The following AFAP1L2 variants were observed in gnomAD, a reference collection of about 807,000 sequenced individuals.
AFAP1L2 encodes actin filament-associated protein 1-like 2.
Under a neutral mutation model 99.3 loss-of-function variants are expected in AFAP1L2, and 46 were observed. The ratio of observed to expected loss-of-function variants is 0.46; its 90% CI spans 0.37 to 0.59. AFAP1L2 has a LOEUF of 0.59. AFAP1L2 is among the 20% of genes least tolerant of loss of function. AFAP1L2 has a pLI of 0.00. For missense variants in AFAP1L2, 959 were observed against 1,034.9 expected (o/e 0.93, Z 1.01); for synonymous variants, 397 against 419.1 (o/e 0.95, Z 0.64).
intron 4 of AFAP1L2, among the ~76,000 whole-genome samples, chr10:114,324,552 G>GTAA (rs2045948232): frequency 6.6e-6 from 1 of 152,278 alleles, no homozygotes; most frequent in Non-Finnish European, 1.5e-5. Context: ...TGCCCGTGGT[G>GTAA]TCTTTCTGAA....
At chr10:114,338,597 C>T (rs1457532559) in intron 2 of AFAP1L2, among the ~76,000 whole-genome samples, 1 of 152,152 alleles carries the variant, frequency 6.6e-6, no homozygotes, top group African/African-American at 2.4e-5. Flanking sequence ...TGGAATACTA[C>T]TCAGCAATAA....
At chr10:114,340,011 A>AG (rs2048563683) in intron 2 of AFAP1L2, among the ~76,000 whole-genome samples, 1 of 19,204 alleles carries the variant, frequency 5.2e-5, no homozygotes, top group South Asian at 1.8e-3. Context: ...ACCCCGTCTC[A>AG]AAAAAAAAAA....
chr10:114,313,675 A>G (rs1049956240), intron 7 of AFAP1L2, among the ~76,000 whole-genome samples, 196 bp downstream of exon 7: 1 of 152,228 alleles, frequency 6.6e-6, no homozygotes, highest in Non-Finnish European at 1.5e-5. Context: ...AGTCCGGGCT[A>G]CTGGGGATTC....
intron 4 of AFAP1L2, among the ~76,000 whole-genome samples, chr10:114,327,566 C>A (rs2046569789): frequency 6.6e-6 from 1 of 152,040 alleles, no homozygotes; most frequent in African/African-American, 2.4e-5. Flanking sequence ...GTCCAGAGGG[C>A]CGCAAATCTT....
intron 4 of AFAP1L2, chr10:114,325,773 G>A (rs2046175580): frequency 1.9e-6 from 2 of 1,047,106 alleles, no homozygotes; most frequent in Non-Finnish European, 1.2e-6. Flanking sequence ...GCCTTTCCTG[G>A]TCCCCCTGGT....
chr10:114,294,936 CAGGAACAAGTGTTAG>C lies in AFAP1L2; in HGVS notation c.*1091_*1105del. The C allele has an allele frequency of 4.1e-6, 4 of 982,910 alleles. No individual in the cohort carries two copies. The highest frequency in any genetic ancestry group is 4.8e-6 in the Non-Finnish European group (4 of 828,996). 60.9% of individuals were successfully genotyped at this position (982,910 alleles called of 1,614,324 possible). ...AAGAATAAAAAAGACATTTAGTTCT[CAGGAACAAGTGTTAG>C]AGAACTGATACACAACCCTCCAGAA... On this transcript the variant is annotated 3_prime_UTR_variant, in exon 19 of 19. Coordinates refer to ENST00000304129, the MANE Select transcript of AFAP1L2 (RefSeq NM_001001936.3).
At chr10:114,325,780 T>C (rs2046177543) in intron 4 of AFAP1L2, 1 of 1,105,418 alleles carries the variant, frequency 9.0e-7, no homozygotes. Context: ...CTGGTCCCCC[T>C]GGTCAGCCAG....
chr10:114,309,315 C>A (rs149696955), intron 8 of AFAP1L2, among the ~76,000 whole-genome samples: 1 of 152,168 alleles, frequency 6.6e-6, no homozygotes, highest in Non-Finnish European at 1.5e-5. Flanking sequence ...AAAAATGGCC[C>A]CTCCTGAGTC....
At chr10:114,284,139 C>T in the AFAP1L2 span, among the ~76,000 whole-genome samples, 8 of 152,342 alleles carry the variant, frequency 5.3e-5, no homozygotes, top group Non-Finnish European at 1.0e-4. Flanking sequence ...ATAGATCAGA[C>T]GCTTCAGAAT....
intron 1 of AFAP1L2, among the ~76,000 whole-genome samples, chr10:114,393,221 G>T (rs1326108868): frequency 6.6e-6 from 1 of 152,032 alleles, no homozygotes; most frequent in Non-Finnish European, 1.5e-5. Flanking sequence ...GTAACTAAGT[G>T]CCCCAAAGCC....
chr10:114,323,156 G>A lies in AFAP1L2; in HGVS notation c.406+15C>T. On this transcript the variant is annotated intron_variant, in intron 5 of 18. Transcript: ENST00000304129. ...CAGTAAGTCACCCTCCCAAGCCCCA[G>A]CCGCTGGGATGTACCATTGAGGGAT... 1 of 1,578,416 alleles carries A rather than the reference G, an allele frequency of 6.3e-7. No individual in the cohort carries two copies. The highest frequency in any genetic ancestry group is 8.6e-7 in the Non-Finnish European group (1 of 1,160,168).
chr10:114,298,937 G>C (rs1386058576), intron 16 of AFAP1L2, among the ~76,000 whole-genome samples: 2 of 152,222 alleles, frequency 1.3e-5, no homozygotes, highest in African/African-American at 4.8e-5. Context: ...GTCCTCAAAA[G>C]ATGGGCCAAG....
At chr10:114,371,862 G>C (rs886277856) in intron 1 of AFAP1L2, among the ~76,000 whole-genome samples, 4 of 150,646 alleles carry the variant, frequency 2.7e-5, no homozygotes, top group Admixed American at 2.6e-4. Flanking sequence ...GATTTTTTTG[G>C]GGGGGTGGCG....
intron 1 of AFAP1L2, among the ~76,000 whole-genome samples, chr10:114,396,570 C>G (rs1394418601): frequency 6.6e-6 from 1 of 152,208 alleles, no homozygotes; most frequent in East Asian, 1.9e-4. Flanking sequence ...CTAGCATAGA[C>G]AAGCAGGACT....
the AFAP1L2 span, chr10:114,285,966 T>C: frequency 6.8e-6 from 11 of 1,606,850 alleles, no homozygotes; most frequent in Middle Eastern, 1.7e-4. Flanking sequence ...GAATGCAGGG[T>C]CGACCTCCTC....
chr10:114,300,373 A>G lies in AFAP1L2; in HGVS notation c.1789-11T>C, dbSNP rs754801619. 8.1e-6 allele frequency: 13 copies of G among 1,614,136 alleles called. No individual in the cohort carries two copies. The highest frequency in any genetic ancestry group is 1.0e-5 in the Non-Finnish European group (12 of 1,180,016). On this transcript the variant is annotated splice_polypyrimidine_tract_variant and intron_variant, in intron 14 of 18. Transcript: ENST00000304129. Reference sequence around the variant, plus strand: ...CAAACTCTCCAGCTGCTTTGGGGGAAAGCAGACCTGACTCAGCTGGCTGAA... The same window carrying G: ...CAAACTCTCCAGCTGCTTTGGGGGAGAGCAGACCTGACTCAGCTGGCTGAA...
At chr10:114,299,522 CCTGCTAGGCTGGATG>C in intron 15 of AFAP1L2, 107 bp from the exon 16 acceptor site, 2 of 1,419,162 alleles carry the variant, frequency 1.4e-6, no homozygotes, top group Non-Finnish European at 1.9e-6. Context: ...GGCACAAAGC[CCTGCTAGGCTGGATG>C]CCAGACCTGG....
Position 114,300,250 on chromosome 10 carries a change from G to GCCA in AFAP1L2, c.1898_1900dup (p.Val633dup), listed in dbSNP as rs1405682930. 1 of 1,614,174 alleles carries GCCA rather than the reference G, an allele frequency of 6.2e-7. No homozygotes were observed. Among genetic ancestry groups the GCCA allele is most frequent in the Non-Finnish European group, 8.5e-7 (1 of 1,180,042 alleles). ...AGGTGGGCTGGCACCAGGTGGGGTG[G>GCCA]CCACCACGGCATCCGGGCAGCTCGG... On this transcript the variant is annotated inframe_insertion, in exon 15 of 19. Coordinates refer to ENST00000304129, the MANE Select transcript of AFAP1L2 (RefSeq NM_001001936.3).
intron 7 of AFAP1L2, among the ~76,000 whole-genome samples, chr10:114,311,193 CAGAG>C (rs2043189074): frequency 6.6e-6 from 1 of 152,132 alleles, no homozygotes; most frequent in African/African-American, 2.4e-5. Context: ...GTCAGAGGAA[CAGAG>C]CCTGGGCTGG....
Sources: gnomAD v4.1 joint callset for allele counts (sites outside exome capture counted in the v4.1 genomes callset) on GRCh38, gnomAD v4.1.1 for gene constraint, MANE v1.5 for transcripts, NCBI Gene and HGNC (gene_info 2026-07-23, HGNC 2026-07-21) for gene names.